PDE1A: variants seen among roughly 807,000 people sequenced by gnomAD.
PDE1A encodes phosphodiesterase 1A.
PDE1A carries 35 observed loss-of-function variants against 61.7 expected under a neutral mutation model. The observed-to-expected ratio is 0.57, with a 90% CI of 0.43 to 0.75. PDE1A has a LOEUF of 0.75. Among genes scored for constraint, PDE1A ranks in the 30% least tolerant of loss-of-function variants. The pLI is 0.00. For missense variants in PDE1A, 597 were observed against 630.6 expected, an observed-to-expected ratio of 0.95 and a Z score of 0.57; for synonymous variants, 232 against 213.2, an observed-to-expected ratio of 1.09 and a Z score of -0.77.
intron 1 of PDE1A, among the ~76,000 whole-genome samples, chr2:182,392,400 T>A (rs1701472997): frequency 3.9e-5 from 6 of 152,042 alleles, no homozygotes; most frequent in Admixed American, 3.9e-4. Context: ...ACCACGTCCC[T>A]CCCACAACAC....
chr2:182,576,479 T>C, the PDE1A span, among the ~76,000 whole-genome samples: 5 of 152,226 alleles, frequency 3.3e-5, no homozygotes, highest in Admixed American at 2.0e-4. Context: ...CGAACACTTG[T>C]GTGGCTTCCA....
chr2:182,458,525 G>A (rs1686067339), intron 2 of PDE1A, among the ~76,000 whole-genome samples: 1 of 151,962 alleles, frequency 6.6e-6, no homozygotes, highest in Non-Finnish European at 1.5e-5. Context: ...TGACCAGAGT[G>A]ATATTTTATA....
chr2:182,277,355 G>T (rs1186071960), intron 1 of PDE1A, among the ~76,000 whole-genome samples: 1 of 152,048 alleles, frequency 6.6e-6, no homozygotes, highest in Non-Finnish European at 1.5e-5. Flanking sequence ...TAGGGAAAAT[G>T]GAAAGAATAT....
chr2:182,572,904 T>C, the PDE1A span, among the ~76,000 whole-genome samples: 29 of 151,558 alleles, frequency 1.9e-4, no homozygotes, highest in African/African-American at 6.8e-4. Context: ...AAGATAAATC[T>C]TATTTGCCAC....
exon 8 of PDE1A, chr2:182,206,031 C>G (rs1202476586): frequency 6.2e-7 from 1 of 1,611,714 alleles, no homozygotes; most frequent in South Asian, 1.1e-5. Flanking sequence ...TTCTCAAGGA[C>G]AGAGCGATCA....
At chr2:182,684,011 T>C in the PDE1A span, among the ~76,000 whole-genome samples, 2 of 151,232 alleles carry the variant, frequency 1.3e-5, no homozygotes, top group Non-Finnish European at 2.9e-5. Context: ...TAATCCCAGA[T>C]ACCTTAGAGG....
At chr2:182,185,816 G>C (rs763215786) in intron 13 of PDE1A, 76 bp downstream of exon 13, 1 of 1,600,758 alleles carries the variant, frequency 6.2e-7, no homozygotes, top group Non-Finnish European at 8.5e-7. Flanking sequence ...AAGAAATCTA[G>C]AAGAAGTAAT....
At chr2:182,478,286 T>G (rs1687495449) in intron 2 of PDE1A, among the ~76,000 whole-genome samples, 1 of 151,908 alleles carries the variant, frequency 6.6e-6, no homozygotes, top group Admixed American at 6.6e-5. Context: ...AATACATTTA[T>G]GATAAAACAT....
chr2:182,655,702 A>T, the PDE1A span, among the ~76,000 whole-genome samples: 3 of 152,280 alleles, frequency 2.0e-5, no homozygotes, highest in East Asian at 5.8e-4. Flanking sequence ...CAAGGAGAGG[A>T]TACTCTCCTC....
the PDE1A span, among the ~76,000 whole-genome samples, chr2:182,583,203 C>T: frequency 6.6e-6 from 1 of 152,016 alleles, no homozygotes; most frequent in Non-Finnish European, 1.5e-5. Flanking sequence ...TTTTCAATAG[C>T]TGACACTATA....
intron 2 of PDE1A, among the ~76,000 whole-genome samples, chr2:182,251,149 A>C (rs954582386): frequency 5.9e-5 from 9 of 152,214 alleles, no homozygotes; most frequent in Non-Finnish European, 1.3e-4. Flanking sequence ...ATTTTGATTA[A>C]TAAGCATCCT....
intron 1 of PDE1A, among the ~76,000 whole-genome samples, chr2:182,366,985 C>T (rs1239411961): frequency 3.3e-5 from 5 of 151,954 alleles, no homozygotes; most frequent in Admixed American, 6.6e-5. Flanking sequence ...AAGTTACAAA[C>T]AAAAAGCAAG....
At chr2:182,303,455 C>T (rs1201250849) in intron 1 of PDE1A, among the ~76,000 whole-genome samples, 1 of 152,174 alleles carries the variant, frequency 6.6e-6, no homozygotes, top group Non-Finnish European at 1.5e-5. Context: ...AGTGTGCTTA[C>T]AGTATTTATA....
chr2:182,197,961 TA>T (rs1424792095), intron 10 of PDE1A, among the ~76,000 whole-genome samples: 1 of 151,982 alleles, frequency 6.6e-6, no homozygotes, highest in Admixed American at 6.6e-5. Flanking sequence ...CAATTTCTGA[TA>T]AAGATTATGC....
the PDE1A span, among the ~76,000 whole-genome samples, chr2:182,715,769 T>G: frequency 2.6e-5 from 4 of 152,198 alleles, no homozygotes; most frequent in Admixed American, 2.6e-4. Context: ...TTTAATTTCC[T>G]TCAAGTTTCC....
At chr2:182,625,738 C>T in the PDE1A span, among the ~76,000 whole-genome samples, 14 of 152,146 alleles carry the variant, frequency 9.2e-5, no homozygotes, top group Admixed American at 9.2e-4. Flanking sequence ...ATATGATAGC[C>T]TAAAGCCAAT....
At chr2:182,492,894 C>T (rs544200908) in intron 2 of PDE1A, among the ~76,000 whole-genome samples, 2 of 152,116 alleles carry the variant, frequency 1.3e-5, no homozygotes, top group Non-Finnish European at 2.9e-5. Flanking sequence ...ACTTCCTTTG[C>T]TATGCACATA....
chr2:182,233,466 G>A (rs986432116), intron 4 of PDE1A, among the ~76,000 whole-genome samples: 2 of 152,024 alleles, frequency 1.3e-5, no homozygotes, highest in African/African-American at 4.8e-5. Context: ...AGAAAAATGA[G>A]CTATCTTTTA....
chr2:182,581,867 G>A, the PDE1A span, among the ~76,000 whole-genome samples: 7 of 152,112 alleles, frequency 4.6e-5, no homozygotes, highest in Non-Finnish European at 7.4e-5. Context: ...TGTATCACCT[G>A]GGGGAGGCAG....
Sources: gnomAD v4.1 joint callset for allele counts (sites outside exome capture counted in the v4.1 genomes callset) on GRCh38, gnomAD v4.1.1 for gene constraint, MANE v1.5 for transcripts, NCBI Gene and HGNC (gene_info 2026-07-23, HGNC 2026-07-21) for gene names.